ROR1: variants seen among roughly 807,000 people sequenced by gnomAD.
ROR1 encodes ROR family WNT receptor 1, also known as inactive tyrosine-protein kinase transmembrane receptor ROR1.
In ROR1, 19 loss-of-function variants were observed where a neutral mutation model predicts 78.8. The observed-to-expected ratio is 0.24, with a 90% CI of 0.17 to 0.35. The LOEUF (loss-of-function observed/expected upper bound fraction) is 0.35. ROR1 is among the 10% of genes least tolerant of loss of function. ROR1 has a pLI of 1.00. For synonymous variants in ROR1, 386 were observed against 433.6 expected (o/e 0.89, Z 1.36); for missense variants, 917 against 1,177.8 (o/e 0.78, Z 3.24).
At chr1:64,127,610 G>T (rs953114016) in intron 4 of ROR1, among the ~76,000 whole-genome samples, 5 of 151,692 alleles carry the variant, frequency 3.3e-5, no homozygotes, top group African/African-American at 9.7e-5. Flanking sequence ...TTCTGGTTTG[G>T]GGCAATGTAG....
chr1:63,882,316 A>G (rs912447786), intron 1 of ROR1, among the ~76,000 whole-genome samples: 12 of 152,130 alleles, frequency 7.9e-5, no homozygotes, highest in African/African-American at 2.7e-4. Context: ...AGACAACACT[A>G]AAAAAATACC....
chr1:63,807,789 A>T (rs902711378), intron 1 of ROR1, among the ~76,000 whole-genome samples: 1 of 152,170 alleles, frequency 6.6e-6, no homozygotes, highest in Non-Finnish European at 1.5e-5. Flanking sequence ...GGTTGGCATC[A>T]GTATTTGGTA....
chr1:64,043,443 T>C (rs910976074), intron 2 of ROR1, among the ~76,000 whole-genome samples: 4 of 152,178 alleles, frequency 2.6e-5, no homozygotes, highest in Non-Finnish European at 2.9e-5. Context: ...GGTCATAAAA[T>C]AACTTTTTTC....
intron 4 of ROR1, among the ~76,000 whole-genome samples, chr1:64,102,956 AC>A (rs1000934401): frequency 1.3e-5 from 2 of 152,014 alleles, no homozygotes; most frequent in Admixed American, 1.3e-4. Flanking sequence ...GATGACAATC[AC>A]CCCCCTGTTG....
chr1:63,860,598 CACACACAT>C (rs1174839550), intron 1 of ROR1, among the ~76,000 whole-genome samples: 3 of 145,808 alleles, frequency 2.1e-5, no homozygotes, highest in African/African-American at 8.0e-5. Context: ...CACACACACA[CACACACAT>C]ACACACACAC....
chr1:63,786,663 T>C (rs1045423304), intron 1 of ROR1, among the ~76,000 whole-genome samples: 1 of 151,012 alleles, frequency 6.6e-6, no homozygotes, highest in Non-Finnish European at 1.5e-5. Flanking sequence ...CAAAACCTTT[T>C]AGAAATAATC....
chr1:63,947,663 T>G (rs1048853507), intron 1 of ROR1, among the ~76,000 whole-genome samples: 1 of 152,146 alleles, frequency 6.6e-6, no homozygotes, highest in Non-Finnish European at 1.5e-5. Context: ...TGAGCTGGTG[T>G]CAGCTAGAAG....
intron 4 of ROR1, among the ~76,000 whole-genome samples, chr1:64,117,438 T>C (rs1347328599): frequency 1.3e-5 from 2 of 152,146 alleles, no homozygotes; most frequent in Non-Finnish European, 2.9e-5. Context: ...TTTTTTTTTC[T>C]CTCAAACCAG....
chr1:64,073,279 CCAAT>C (rs1330475772), intron 4 of ROR1, among the ~76,000 whole-genome samples: 5 of 152,114 alleles, frequency 3.3e-5, no homozygotes, highest in African/African-American at 1.2e-4. Context: ...TCATTCTTGC[CCAAT>C]CAGTCAGAAG....
chr1:63,872,494 A>T (rs1373275096), intron 1 of ROR1, among the ~76,000 whole-genome samples: 1 of 152,068 alleles, frequency 6.6e-6, no homozygotes, highest in Non-Finnish European at 1.5e-5. Flanking sequence ...AACACTTAGT[A>T]GAGGTGATAA....
chr1:64,109,111 C>T (rs1647968237), intron 4 of ROR1, among the ~76,000 whole-genome samples: 1 of 152,102 alleles, frequency 6.6e-6, no homozygotes, highest in Admixed American at 6.6e-5. Context: ...TCCTGGCAAT[C>T]TGCATCTTTA....
intron 1 of ROR1, chr1:63,788,838 A>C: frequency 1.5e-6 from 1 of 688,594 alleles, no homozygotes; most frequent in South Asian, 1.4e-5. Context: ...CAACCTGGTT[A>C]GCCAGGAGCT....
chr1:63,966,110 T>G (rs1319799904), intron 1 of ROR1, among the ~76,000 whole-genome samples: 1 of 152,224 alleles, frequency 6.6e-6, no homozygotes, highest in East Asian at 1.9e-4. Context: ...TGGTTCGTTA[T>G]CATTCTTATC....
chr1:63,963,585 A>G (rs1212597515), intron 1 of ROR1, among the ~76,000 whole-genome samples: 1 of 147,906 alleles, frequency 6.8e-6, no homozygotes, highest in Non-Finnish European at 1.5e-5. Flanking sequence ...ACAAAACAAA[A>G]CAAAAAAAAA....
At chr1:64,013,835 T>A (rs1020333513) in intron 2 of ROR1, among the ~76,000 whole-genome samples, 5 of 152,276 alleles carry the variant, frequency 3.3e-5, no homozygotes, top group African/African-American at 1.2e-4. Context: ...AGGGTTTGCC[T>A]TATCTATTGT....
intron 4 of ROR1, among the ~76,000 whole-genome samples, chr1:64,100,603 A>G (rs904613376): frequency 5.3e-5 from 8 of 152,228 alleles, no homozygotes; most frequent in African/African-American, 1.4e-4. Flanking sequence ...CTTAATTTTG[A>G]TAAATACTCC....
chr1:64,174,773 C>G (rs1314820792), intron 8 of ROR1, among the ~76,000 whole-genome samples: 4 of 152,094 alleles, frequency 2.6e-5, no homozygotes. Context: ...GAAAAATTCA[C>G]CTTGAGTTAC....
chr1:63,863,707 CATTGTATTGTATTGT>C (rs61123882), intron 1 of ROR1, among the ~76,000 whole-genome samples: 4,341 of 65,926 alleles, frequency 0.066, 579 homozygotes, highest in Middle Eastern at 0.085. Flanking sequence ...TCAACACTGC[CATTGTATTGTATTGT>C]ATTGTATTGT....
At chr1:63,832,302 T>C (rs191010000) in intron 1 of ROR1, among the ~76,000 whole-genome samples, 7 of 152,338 alleles carry the variant, frequency 4.6e-5, no homozygotes, top group Admixed American at 4.6e-4. Context: ...CCCACTTCTA[T>C]CAGGACCAAT....
Sources: gnomAD v4.1 joint callset for allele counts (sites outside exome capture counted in the v4.1 genomes callset) on GRCh38, gnomAD v4.1.1 for gene constraint, MANE v1.5 for transcripts, NCBI Gene and HGNC (gene_info 2026-07-23, HGNC 2026-07-21) for gene names.